The following ABLIM1 variants were observed in gnomAD, a reference collection of about 807,000 sequenced individuals.
The protein encoded by ABLIM1 is actin binding LIM protein 1, also known as actin-binding LIM protein 1.
ABLIM1 carries 40 observed loss-of-function variants against 107.0 expected under a neutral mutation model. The observed-to-expected ratio is 0.37, with a 90% CI of 0.29 to 0.49. The LOEUF (loss-of-function observed/expected upper bound fraction) is 0.49. Ranked by LOEUF, ABLIM1 falls within the 20% of genes least tolerant of loss-of-function variation. ABLIM1 has a pLI of 0.97. For missense variants in ABLIM1, 857 were observed against 1,008.5 expected, an observed-to-expected ratio of 0.85 and a Z score of 2.04; for synonymous variants, 357 against 357.3, an observed-to-expected ratio of 1.00 and a Z score of 0.01.
At chr10:114,455,063 T>C (rs1489327812) in intron 12 of ABLIM1, among the ~76,000 whole-genome samples, 1 of 152,194 alleles carries the variant, frequency 6.6e-6, no homozygotes, top group Non-Finnish European at 1.5e-5. Flanking sequence ...GTCAAATTTT[T>C]CTAAATCTAT....
At chr10:114,789,201 G>A in the ABLIM1 span, among the ~76,000 whole-genome samples, 2 of 151,984 alleles carry the variant, frequency 1.3e-5, no homozygotes, top group African/African-American at 2.4e-5. Context: ...GTTGCAGTGA[G>A]CCGAGATCAT....
chr10:114,711,683 C>T (rs1273369985), intron 1 of ABLIM1, among the ~76,000 whole-genome samples: 2 of 152,090 alleles, frequency 1.3e-5, no homozygotes, highest in Admixed American at 1.3e-4. Context: ...TACCCCTAGG[C>T]CTAAAGAGGC....
At chr10:114,479,065 G>C (rs2056937506) in intron 8 of ABLIM1, among the ~76,000 whole-genome samples, 1 of 152,138 alleles carries the variant, frequency 6.6e-6, no homozygotes, top group African/African-American at 2.4e-5. Context: ...TGTTACATGA[G>C]TTTTTCTTTT....
intron 1 of ABLIM1, among the ~76,000 whole-genome samples, chr10:114,649,836 C>T (rs544138097): frequency 2.8e-4 from 42 of 147,928 alleles, no homozygotes; most frequent in African/African-American, 1.0e-3. Context: ...GAGTAACACA[C>T]AATCCATATC....
intron 8 of ABLIM1, among the ~76,000 whole-genome samples, chr10:114,481,945 G>C (rs2057440204): frequency 6.6e-6 from 1 of 152,140 alleles, no homozygotes; most frequent in African/African-American, 2.4e-5. Context: ...TATTTGTTCG[G>C]TATATTATAG....
At chr10:114,498,682 A>T (rs564235013) in intron 6 of ABLIM1, among the ~76,000 whole-genome samples, 31 of 152,220 alleles carry the variant, frequency 2.0e-4, no homozygotes, top group Non-Finnish European at 3.8e-4. Context: ...GGACTGGCTG[A>T]TTCTTATCAG....
At chr10:114,603,145 T>C (rs529657062) in intron 1 of ABLIM1, among the ~76,000 whole-genome samples, 1 of 152,226 alleles carries the variant, frequency 6.6e-6, no homozygotes, top group Admixed American at 6.5e-5. Context: ...TCTCCAAAGG[T>C]AAAACCAGGT....
the ABLIM1 span, among the ~76,000 whole-genome samples, chr10:114,785,415 T>C: frequency 2.0e-5 from 3 of 152,234 alleles, no homozygotes; most frequent in African/African-American, 7.2e-5. Context: ...TTATTCTTTT[T>C]AGAATCCAGT....
chr10:114,798,441 G>A, the ABLIM1 span, among the ~76,000 whole-genome samples: 1 of 148,222 alleles, frequency 6.7e-6, no homozygotes, highest in Admixed American at 6.8e-5. Context: ...AAAACAACAT[G>A]GTAGTACAGG....
intron 6 of ABLIM1, among the ~76,000 whole-genome samples, chr10:114,537,847 G>A (rs1292743995): frequency 6.6e-6 from 1 of 152,172 alleles, no homozygotes; most frequent in African/African-American, 2.4e-5. Context: ...TGAGAAGAAT[G>A]CAATTAGCCT....
intron 1 of ABLIM1, among the ~76,000 whole-genome samples, chr10:114,621,044 G>A (rs1016870937): frequency 6.6e-6 from 1 of 152,136 alleles, no homozygotes; most frequent in African/African-American, 2.4e-5. Context: ...GCTGTATGAT[G>A]TGGCCAAAAT....
At chr10:114,437,707 A>C in intron 22 of ABLIM1, 137 bp downstream of exon 22, 2 of 690,354 alleles carry the variant, frequency 2.9e-6, no homozygotes, top group Non-Finnish European at 5.0e-6. Context: ...GTTATTTCTT[A>C]GTTCTACCTA....
chr10:114,621,284 A>G lies in ABLIM1; in HGVS notation c.245-19323T>C, dbSNP rs1485692146. On this transcript the variant is annotated intron_variant, in intron 1 of 22. Transcript: ENST00000533213. Reference sequence around the variant, plus strand: ...TGAGTACATTTCACATTGTATCATAATGACTTATCTATGTGTGTCTGTTTC... The same window carrying G: ...TGAGTACATTTCACATTGTATCATAGTGACTTATCTATGTGTGTCTGTTTC... 4.6e-5 allele frequency among the ~76,000 whole-genome samples: 7 copies of G among 152,312 alleles called. No homozygotes were observed. In the East Asian group the frequency reaches 9.7e-4, roughly 21 times the overall value.
chr10:114,477,233 GA>G (rs1565484559), intron 8 of ABLIM1, among the ~76,000 whole-genome samples: 1 of 152,154 alleles, frequency 6.6e-6, no homozygotes, highest in Non-Finnish European at 1.5e-5. Flanking sequence ...AACTAAAAGA[GA>G]AATATTGAGA....
intron 2 of ABLIM1, among the ~76,000 whole-genome samples, chr10:114,590,719 T>C (rs576629719): frequency 2.0e-5 from 3 of 152,274 alleles, no homozygotes; most frequent in African/African-American, 2.4e-5. Context: ...AGGCTTTTCA[T>C]GGCAGATAGT....
chr10:114,533,762 G>T (rs1014478256), intron 6 of ABLIM1, among the ~76,000 whole-genome samples: 1 of 152,096 alleles, frequency 6.6e-6, no homozygotes, highest in Non-Finnish European at 1.5e-5. Context: ...TTGCAGCTTC[G>T]AACACCTGGG....
intron 1 of ABLIM1, among the ~76,000 whole-genome samples, chr10:114,742,383 A>T (rs539204352): frequency 1.3e-5 from 2 of 152,320 alleles, no homozygotes; most frequent in Non-Finnish European, 2.9e-5. Context: ...TGGATACTCC[A>T]TCTACAAAAA....
At chr10:114,515,487 C>T (rs1277133736) in intron 6 of ABLIM1, among the ~76,000 whole-genome samples, 1 of 152,186 alleles carries the variant, frequency 6.6e-6, no homozygotes, top group Non-Finnish European at 1.5e-5. Context: ...GTGAATGACA[C>T]ACACAGATAA....
chr10:114,782,539 T>C, the ABLIM1 span, among the ~76,000 whole-genome samples: 1 of 152,134 alleles, frequency 6.6e-6, no homozygotes, highest in Non-Finnish European at 1.5e-5. Context: ...GCTTAAATAA[T>C]CACACTTCAA....
Sources: allele counts gnomAD v4.1 joint callset (sites outside exome capture counted in the v4.1 genomes callset), GRCh38; gene constraint gnomAD v4.1.1; transcripts MANE v1.5; gene names NCBI Gene and HGNC (gene_info 2026-07-23, HGNC 2026-07-21).